Variants in DLGAP2 observed in about 807,000 individuals in gnomAD.
DLGAP2 encodes disks large-associated protein 2.
A neutral mutation model predicts 100.3 loss-of-function variants in DLGAP2; 26 were observed. The observed-to-expected ratio is 0.26, with a 90% CI of 0.19 to 0.36. DLGAP2 has a LOEUF of 0.36. DLGAP2 is among the 10% of genes least tolerant of loss of function. The pLI is 1.00. For missense variants in DLGAP2, 1,858 were observed against 1,453.2 expected, an observed-to-expected ratio of 1.28 and a Z score of -4.53; for synonymous variants, 886 against 630.1, an observed-to-expected ratio of 1.41 and a Z score of -6.08.
chr8:989,437 C>T (rs1800589871), intron 2 of DLGAP2, among the ~76,000 whole-genome samples: 1 of 152,198 alleles, frequency 6.6e-6, no homozygotes, highest in Non-Finnish European at 1.5e-5. Context: ...TTGGCCTCTC[C>T]TGTGTCCTGG....
At chr8:942,356 G>A (rs982690847) in intron 2 of DLGAP2, among the ~76,000 whole-genome samples, 2 of 152,184 alleles carry the variant, frequency 1.3e-5, no homozygotes, top group African/African-American at 2.4e-5. Flanking sequence ...AGTGTTTCTG[G>A]CACACTCAGC....
chr8:1,254,521 C>T (rs947840767), intron 2 of DLGAP2, among the ~76,000 whole-genome samples: 9 of 152,084 alleles, frequency 5.9e-5, no homozygotes, highest in South Asian at 2.1e-4. Context: ...ATGAACTTAC[C>T]GTGGGGCGCG....
intron 2 of DLGAP2, among the ~76,000 whole-genome samples, chr8:1,225,510 T>G (rs1798396113): frequency 6.6e-6 from 1 of 152,212 alleles, no homozygotes; most frequent in Non-Finnish European, 1.5e-5. Context: ...ACAGAGCTGG[T>G]TGAACAACAC....
chr8:1,386,342 T>C (rs117787897), intron 3 of DLGAP2, among the ~76,000 whole-genome samples: 2,576 of 152,236 alleles, frequency 0.017, 48 homozygotes, highest in Non-Finnish European at 0.023. Flanking sequence ...GAATACAACA[T>C]AGGCCGACAC....
At position 1,706,750 on chromosome 8, in the gene DLGAP2, A is replaced by C. The variant is rs1799716215; in HGVS notation, c.*5344A>C. On this transcript the variant is annotated 3_prime_UTR_variant, in exon 15 of 15. Coordinates refer to ENST00000637795, the MANE Select transcript of DLGAP2 (RefSeq NM_001346810.2). ...GGAAAAAAAATTATTTGGAAGCCGA[A>C]AACCGCATGGGTGGGGAAACATCAG... 6.6e-6 allele frequency: 1 copy of C among 152,226 alleles called. No homozygotes were observed. The highest frequency in any genetic ancestry group is 2.4e-5 in the African/African-American group (1 of 41,470). 9.4% of individuals were successfully genotyped at this position (152,226 alleles called of 1,614,324 possible). A position where few individuals can be genotyped will look rare whatever the true frequency, so the allele number is the denominator to read the frequency against.
intron 2 of DLGAP2, among the ~76,000 whole-genome samples, chr8:1,224,864 G>A (rs945443488): frequency 1.5e-4 from 23 of 152,208 alleles, no homozygotes; most frequent in African/African-American, 5.3e-4. Flanking sequence ...GGGGAGATGC[G>A]AGTCAAAACC....
intron 3 of DLGAP2, among the ~76,000 whole-genome samples, chr8:1,482,915 G>C (rs1260194045): frequency 1.3e-5 from 2 of 152,242 alleles, no homozygotes; most frequent in Non-Finnish European, 1.5e-5. Context: ...AGGGACCCAG[G>C]AGAAGAGGGC....
chr8:1,435,797 T>C (rs2130026914), intron 3 of DLGAP2, among the ~76,000 whole-genome samples: 2 of 152,044 alleles, frequency 1.3e-5, no homozygotes, highest in East Asian at 2.0e-4. Flanking sequence ...AGCTGGAAGA[T>C]GGTGATATCG....
intron 1 of DLGAP2, among the ~76,000 whole-genome samples, chr8:858,584 T>C (rs1205730575): frequency 6.6e-6 from 1 of 151,334 alleles, no homozygotes; most frequent in Non-Finnish European, 1.5e-5. Context: ...TGGGGACATG[T>C]GTGACGCTGT....
chr8:1,459,235 C>T (rs28524965), intron 3 of DLGAP2, among the ~76,000 whole-genome samples: 2 of 109,572 alleles, frequency 1.8e-5, no homozygotes, highest in Non-Finnish European at 4.1e-5. Context: ...CAGCGTGCGT[C>T]CCAGACAGGA....
At chr8:750,260 G>A (rs1172176294) in intron 1 of DLGAP2, among the ~76,000 whole-genome samples, 4 of 152,340 alleles carry the variant, frequency 2.6e-5, no homozygotes, top group Admixed American at 6.5e-5. Flanking sequence ...TGGCCGTGCC[G>A]CATCCTTGCC....
At chr8:1,340,599 G>A (rs190765302) in intron 3 of DLGAP2, among the ~76,000 whole-genome samples, 1 of 152,326 alleles carries the variant, frequency 6.6e-6, no homozygotes, top group Admixed American at 6.5e-5. Flanking sequence ...TGAGGTTGTG[G>A]AGAGAAAGAA....
At chr8:1,214,786 A>G (rs1197005742) in intron 2 of DLGAP2, among the ~76,000 whole-genome samples, 5 of 152,350 alleles carry the variant, frequency 3.3e-5, no homozygotes, top group South Asian at 2.1e-4. Context: ...TATTGTTACT[A>G]TCAAGATTTT....
At chr8:1,544,571 T>C (rs1046939954) in intron 4 of DLGAP2, among the ~76,000 whole-genome samples, 14 of 152,186 alleles carry the variant, frequency 9.2e-5, no homozygotes, top group Non-Finnish European at 1.9e-4. Context: ...ATCAATTGTG[T>C]TGAGTATGTG....
intron 5 of DLGAP2, among the ~76,000 whole-genome samples, chr8:1,563,674 C>T (rs574166912): frequency 7.9e-5 from 12 of 152,074 alleles, no homozygotes; most frequent in South Asian, 2.1e-4. Flanking sequence ...CAGAAATGAG[C>T]ATGCCTCTCC....
intron 2 of DLGAP2, among the ~76,000 whole-genome samples, chr8:984,423 C>G (rs1021501579): frequency 6.6e-6 from 1 of 152,228 alleles, no homozygotes; most frequent in Non-Finnish European, 1.5e-5. Flanking sequence ...TGCCTCCAAT[C>G]CAGGAGCTGG....
intron 4 of DLGAP2, among the ~76,000 whole-genome samples, chr8:1,542,734 A>C (rs146986239): frequency 2.0e-5 from 3 of 152,006 alleles, no homozygotes; most frequent in Non-Finnish European, 4.4e-5. Flanking sequence ...ATGTGTTTTC[A>C]TTTCTCTTGG....
chr8:1,641,832 G>A (rs1367453316), intron 8 of DLGAP2, among the ~76,000 whole-genome samples: 1 of 152,064 alleles, frequency 6.6e-6, no homozygotes, highest in African/African-American at 2.4e-5. Context: ...TTCAGATATT[G>A]TGGAGATGGA....
At chr8:758,008 G>C (rs1372353263) in intron 1 of DLGAP2, among the ~76,000 whole-genome samples, 2 of 152,172 alleles carry the variant, frequency 1.3e-5, no homozygotes, top group Non-Finnish European at 2.9e-5. Context: ...GGACATGGCT[G>C]TGCCCTTTAC....
Sources: allele counts gnomAD v4.1 joint callset (sites outside exome capture counted in the v4.1 genomes callset), GRCh38; gene constraint gnomAD v4.1.1; transcripts MANE v1.5; gene names NCBI Gene and HGNC (gene_info 2026-07-23, HGNC 2026-07-21).